Variants in FOXN3 observed in about 807,000 individuals in gnomAD.
The protein encoded by FOXN3 is forkhead box N3.
Under a neutral mutation model 38.4 loss-of-function variants are expected in FOXN3, and 7 were observed. The ratio of observed to expected loss-of-function variants is 0.18; its 90% CI spans 0.10 to 0.34. The LOEUF is 0.34. FOXN3 is among the 10% of genes least tolerant of loss of function. The pLI, the probability that FOXN3 is intolerant of heterozygous loss-of-function variation, is 1.00. For missense variants in FOXN3, 456 were observed against 613.4 expected, an observed-to-expected ratio of 0.74 and a Z score of 2.71; for synonymous variants, 230 against 242.2, an observed-to-expected ratio of 0.95 and a Z score of 0.47.
chr14:89,616,366 T>G (rs1347722886), intron 1 of FOXN3, among the ~76,000 whole-genome samples: 2 of 152,196 alleles, frequency 1.3e-5, no homozygotes, highest in South Asian at 2.1e-4. Flanking sequence ...AAGAGGAAAC[T>G]TTTCTATTTA....
At chr14:89,288,964 T>C (rs940190388) in intron 3 of FOXN3, among the ~76,000 whole-genome samples, 3 of 151,154 alleles carry the variant, frequency 2.0e-5, no homozygotes, top group African/African-American at 7.3e-5. Context: ...GGCGGATCCC[T>C]TGAGGCCAGG....
At chr14:89,307,995 T>G (rs1887426287) in intron 3 of FOXN3, among the ~76,000 whole-genome samples, 1 of 152,242 alleles carries the variant, frequency 6.6e-6, no homozygotes, top group Admixed American at 6.5e-5. Context: ...CCGGGAGCAG[T>G]GGCTCACACC....
chr14:89,511,598 C>T (rs1202189630), intron 1 of FOXN3, among the ~76,000 whole-genome samples: 3 of 152,014 alleles, frequency 2.0e-5, no homozygotes, highest in African/African-American at 7.2e-5. Context: ...ACCAACTTGC[C>T]CTGAAGCCTT....
chr14:89,571,965 A>C (rs1359834087), intron 1 of FOXN3, among the ~76,000 whole-genome samples: 1 of 152,238 alleles, frequency 6.6e-6, no homozygotes, highest in Non-Finnish European at 1.5e-5. Flanking sequence ...ATTTTTATAG[A>C]TGAAGAAATA....
chr14:89,219,275 T>A (rs1884379949), intron 4 of FOXN3, among the ~76,000 whole-genome samples: 1 of 152,180 alleles, frequency 6.6e-6, no homozygotes, highest in Non-Finnish European at 1.5e-5. Context: ...CCCTCCTGCT[T>A]CCATGTAAGA....
chr14:89,597,940 T>C, intron 1 of FOXN3, among the ~76,000 whole-genome samples: 1 of 152,138 alleles, frequency 6.6e-6, no homozygotes, highest in Non-Finnish European at 1.5e-5. Context: ...TATAAATCTA[T>C]TATTCTACTA....
chr14:89,477,777 A>G (rs779223561), intron 1 of FOXN3, among the ~76,000 whole-genome samples: 6 of 152,202 alleles, frequency 3.9e-5, no homozygotes, highest in African/African-American at 1.4e-4. Flanking sequence ...CATGTATATT[A>G]AAGTGGCCGG....
chr14:89,488,624 CAAAAAAA>C (rs34611131), intron 1 of FOXN3, among the ~76,000 whole-genome samples: 1 of 119,426 alleles, frequency 8.4e-6, no homozygotes, highest in Non-Finnish European at 1.8e-5. Context: ...TGCCCCATCT[CAAAAAAA>C]AAAAAAAAAC....
At chr14:89,519,159 G>C (rs1017646152) in intron 1 of FOXN3, among the ~76,000 whole-genome samples, 32 of 152,312 alleles carry the variant, frequency 2.1e-4, no homozygotes, top group African/African-American at 7.2e-4. Context: ...GAGGTCAGAC[G>C]AGTGGGCTAA....
At chr14:89,490,729 C>T (rs957135751) in intron 1 of FOXN3, among the ~76,000 whole-genome samples, 21 of 152,220 alleles carry the variant, frequency 1.4e-4, no homozygotes, top group African/African-American at 4.8e-4. Flanking sequence ...GGTCCAGATG[C>T]TTTTGGTGCT....
At chr14:89,472,287 T>C (rs1031934644) in intron 1 of FOXN3, among the ~76,000 whole-genome samples, 1 of 151,564 alleles carries the variant, frequency 6.6e-6, no homozygotes, top group African/African-American at 2.4e-5. Flanking sequence ...AACTTCCCTA[T>C]TTTATGCCAC....
intron 1 of FOXN3, among the ~76,000 whole-genome samples, chr14:89,539,285 G>GAAAT (rs1894751792): frequency 6.6e-6 from 1 of 152,154 alleles, no homozygotes; most frequent in African/African-American, 2.4e-5. Context: ...TTTGAGAAAA[G>GAAAT]GAAATAAAAT....
At chr14:89,232,485 C>T (rs12590871) in intron 4 of FOXN3, among the ~76,000 whole-genome samples, 27,123 of 152,036 alleles carry the variant, frequency 0.18, 2,471 homozygotes, top group East Asian at 0.3. Flanking sequence ...ATTATATAAC[C>T]GGGAAGGATT....
intron 1 of FOXN3, among the ~76,000 whole-genome samples, chr14:89,608,763 C>T (rs1020254210): frequency 5.9e-5 from 9 of 152,100 alleles, no homozygotes; most frequent in African/African-American, 9.7e-5. Flanking sequence ...ATGGGGTAGG[C>T]GAGACAACCT....
At chr14:89,198,618 T>C (rs73321252) in intron 4 of FOXN3, among the ~76,000 whole-genome samples, 90 of 152,356 alleles carry the variant, frequency 5.9e-4, no homozygotes, top group African/African-American at 2.1e-3. Flanking sequence ...CCCAAGGATG[T>C]ATGGCAATGT....
At chr14:89,175,112 T>C (rs1003172017) in intron 5 of FOXN3, among the ~76,000 whole-genome samples, 7 of 152,190 alleles carry the variant, frequency 4.6e-5, no homozygotes, top group African/African-American at 1.7e-4. Context: ...AGAGATGGGT[T>C]TTCCCGATGA....
Position 89,243,786 on chromosome 14 carries a change from C to A in FOXN3, c.745+37164G>T, listed in dbSNP as rs140637751. Among the ~76,000 whole-genome samples the A allele has an allele frequency of 3.4e-3, 522 of 152,272 alleles. 3 individuals are homozygous for A. Among genetic ancestry groups the A allele is most frequent in the African/African-American group, 0.012 (500 of 41,548 alleles). On this transcript the variant is annotated intron_variant, in intron 4 of 5. Transcript: ENST00000557258. ...ATCCTATTTTCACCATTTTCCACAA[C>A]CTATGGAAGTGAGGGAGTGGCATGA...
chr14:89,411,181 T>C (rs1891535727), intron 2 of FOXN3, among the ~76,000 whole-genome samples: 1 of 152,248 alleles, frequency 6.6e-6, no homozygotes, highest in Non-Finnish European at 1.5e-5. Flanking sequence ...GAGAATCTAA[T>C]GACTGATGAT....
intron 1 of FOXN3, among the ~76,000 whole-genome samples, chr14:89,614,063 T>C (rs147842866): frequency 1.4e-3 from 207 of 152,332 alleles, no homozygotes; most frequent in African/African-American, 4.6e-3. Flanking sequence ...ATCTCATCAT[T>C]GAGGAGATAA....
Sources: gnomAD v4.1 joint callset for allele counts (sites outside exome capture counted in the v4.1 genomes callset) on GRCh38, gnomAD v4.1.1 for gene constraint, MANE v1.5 for transcripts, NCBI Gene and HGNC (gene_info 2026-07-23, HGNC 2026-07-21) for gene names.